The following DGCR2 variants were observed in gnomAD, a reference collection of about 807,000 sequenced individuals.
The protein encoded by DGCR2 is DiGeorge syndrome critical region gene 2.
In DGCR2, 24 loss-of-function variants were observed where a neutral mutation model predicts 51.6. The observed-to-expected ratio is 0.47, with a 90% CI of 0.34 to 0.65. DGCR2 has a LOEUF of 0.65. DGCR2 is among the 30% of genes least tolerant of loss of function. The pLI is 0.01. For synonymous variants in DGCR2, 340 were observed against 315.4 expected (o/e 1.08, Z -0.82); for missense variants, 765 against 772.1 (o/e 0.99, Z 0.11).
intron 8 of DGCR2, 60 bp from the exon 9 acceptor site, chr22:19,041,354 G>C (rs1219950729): frequency 2.0e-6 from 3 of 1,533,354 alleles, no homozygotes; most frequent in Non-Finnish European, 2.7e-6. Context: ...AGGCTGCCTG[G>C]CTCCTGAGCC....
In DGCR2 at chr22:19,064,991, C is replaced by T. The variant is rs1040969847; in HGVS notation, c.405G>A (p.Gly135=). The T allele has an allele frequency of 6.2e-7, 1 of 1,614,046 alleles. No homozygotes were observed. Among genetic ancestry groups the T allele is most frequent in the Non-Finnish European group, 8.5e-7 (1 of 1,180,036 alleles). The part of the protein sequence containing the change: ...TASCYRVYLS[G]ENYWDAAQTC... ...TCTGCGCGGCATCCCAGTAGTTCTC[C>T]CCGCTCAGGTAGACCCGGTAGCAGC... is the stretch of plus-strand genomic sequence containing the variant. Residue 135 remains glycine, a synonymous_variant, in exon 4 of 10, where the codon GGG becomes GGA. Transcript: ENST00000263196.
rs771789131 is a variant in DGCR2 at position 19,063,204 on chromosome 22, TTGAATG to T, written c.617_622del (p.Ala206_Lys208delinsGlu). On this transcript the variant is annotated inframe_deletion, in exon 5 of 10. Transcript: ENST00000263196. ...TCCCACACACCAGAAGGGCTCACCT[TTGAATG>T]CCACCTCCCAGCGACCTTCCAAGGA... 16 of 1,614,036 alleles carry T rather than the reference TTGAATG, an allele frequency of 9.9e-6. No individual in the cohort carries two copies. The Admixed American group carries it at 1.3e-4, about 13-fold the overall frequency.
At chr22:19,095,652 C>T (rs1450580566) in intron 1 of DGCR2, among the ~76,000 whole-genome samples, 1 of 145,144 alleles carries the variant, frequency 6.9e-6, no homozygotes, top group Non-Finnish European at 1.5e-5. Flanking sequence ...CAGCGCAAGA[C>T]TCCGTCTCAA....
chr22:19,042,017 T>G, intron 7 of DGCR2, 58 bp from the exon 8 acceptor site: 1 of 1,560,304 alleles, frequency 6.4e-7, no homozygotes, highest in Non-Finnish European at 8.7e-7. Context: ...CGTGCTACGC[T>G]GGGGATGCTG....
intron 8 of DGCR2, 101 bp downstream of exon 8, chr22:19,041,706 G>C: frequency 7.2e-7 from 1 of 1,380,046 alleles, no homozygotes. Flanking sequence ...CTTCAAACCT[G>C]CCTCTGCCCC....
chr22:19,122,401 T>A lies in DGCR2; in HGVS notation c.-195A>T, dbSNP rs936669808. 6 of 418,854 alleles carry A rather than the reference T, an allele frequency of 1.4e-5. No homozygotes were observed. In the East Asian group the frequency reaches 1.6e-4, roughly 11 times the overall value. The allele number at this position is 418,854 out of a possible 1,614,324, so 25.9% of individuals were successfully genotyped here. ...TGCAACCTCAGGCACCGACTCCAGCTGCGCGCAAGATGGCGGCCGTCCTGC... is the reference window on the plus strand; with the variant it reads ...TGCAACCTCAGGCACCGACTCCAGCAGCGCGCAAGATGGCGGCCGTCCTGC... On this transcript the variant is annotated 5_prime_UTR_variant, in exon 1 of 10. Transcript: ENST00000263196.
At chr22:19,080,651 CA>C (rs1265672977) in intron 2 of DGCR2, among the ~76,000 whole-genome samples, 2 of 152,162 alleles carry the variant, frequency 1.3e-5, no homozygotes, top group African/African-American at 4.8e-5. Flanking sequence ...GCCTCAGCAA[CA>C]GGGCGAGACC....
At chr22:19,063,067 G>A (rs2082702805) in intron 5 of DGCR2, 135 bp downstream of exon 5, 4 of 758,940 alleles carry the variant, frequency 5.3e-6, no homozygotes, top group Non-Finnish European at 8.7e-6. Context: ...AGCCCTCCCT[G>A]CAACTGGGGC....
Position 19,063,190 on chromosome 22 carries a change from A to G in DGCR2, c.625+12T>C. The G allele has an allele frequency of 3.7e-6, 6 of 1,613,790 alleles. No homozygotes were observed. The highest frequency in any genetic ancestry group is 5.1e-6 in the Non-Finnish European group (6 of 1,179,642). ...CCAGCTTCAAACACTCCCACACACC[A>G]GAAGGGCTCACCTTTGAATGCCACC... On this transcript the variant is annotated intron_variant, in intron 5 of 9. Transcript: ENST00000263196.
At chr22:19,097,183 T>C (rs2146026750) in intron 1 of DGCR2, among the ~76,000 whole-genome samples, 1 of 152,202 alleles carries the variant, frequency 6.6e-6, no homozygotes, top group East Asian at 1.9e-4. Flanking sequence ...CTTGGCTGCT[T>C]CTAAGTAGTA....
At chr22:19,053,649 T>C (rs376978131) in intron 6 of DGCR2, among the ~76,000 whole-genome samples, 4 of 152,306 alleles carry the variant, frequency 2.6e-5, no homozygotes, top group South Asian at 2.1e-4. Flanking sequence ...CCACACAAGA[T>C]GTCAGAGTTC....
At chr22:19,119,735 CAAAAAAAAAAA>C (rs57362176) in intron 1 of DGCR2, among the ~76,000 whole-genome samples, 2 of 78,156 alleles carry the variant, frequency 2.6e-5, no homozygotes, top group Admixed American at 1.5e-4. Flanking sequence ...GACTCTGTCT[CAAAAAAAAAAA>C]AAAAAAAAAA....
At position 19,036,922 on chromosome 22, in the gene DGCR2, G is replaced by C. The variant is rs561592858; in HGVS notation, c.*1943C>G. ...CCACACATCTCGTGCCAGCCACCCT[G>C]TCCCGCACACACAGTTCTGAGGCCT... On this transcript the variant is annotated 3_prime_UTR_variant, in exon 10 of 10. Transcript: ENST00000263196. 7 of 152,456 alleles carry C rather than the reference G, an allele frequency of 4.6e-5. No homozygotes were observed. The highest frequency in any genetic ancestry group is 7.3e-5 in the Non-Finnish European group (5 of 68,230). The allele number at this position is 152,456 out of a possible 1,614,324, so 9.4% of individuals were successfully genotyped here. A position where few individuals can be genotyped will look rare whatever the true frequency, so the allele number is the denominator to read the frequency against.
At chr22:19,056,755 C>T (rs368208448) in intron 6 of DGCR2, among the ~76,000 whole-genome samples, 4 of 151,982 alleles carry the variant, frequency 2.6e-5, no homozygotes, top group Non-Finnish European at 5.9e-5. Context: ...TTGTCTCTTC[C>T]GTGGGAAAAG....
At chr22:19,064,690 A>AC (rs2145970379) in intron 4 of DGCR2, among the ~76,000 whole-genome samples, 158 bp downstream of exon 4, 1 of 152,128 alleles carries the variant, frequency 6.6e-6, no homozygotes, top group East Asian at 1.9e-4. Context: ...GCACACTCCT[A>AC]CCCATGGATC....
intron 1 of DGCR2, among the ~76,000 whole-genome samples, chr22:19,100,130 C>T (rs1468651547): frequency 7.2e-5 from 11 of 152,064 alleles, no homozygotes; most frequent in African/African-American, 2.2e-4. Context: ...ATTAGCTGGA[C>T]GTGGTGGCAC....
intron 5 of DGCR2, 40 bp downstream of exon 5, chr22:19,063,162 T>G (rs1191241465): frequency 6.3e-7 from 1 of 1,591,876 alleles, no homozygotes; most frequent in Admixed American, 1.7e-5. Context: ...AGGGTGACTC[T>G]GCCCAGCTTC....
intron 2 of DGCR2, among the ~76,000 whole-genome samples, chr22:19,085,423 C>G: frequency 6.6e-6 from 1 of 152,230 alleles, no homozygotes; most frequent in Non-Finnish European, 1.5e-5. Context: ...CCTCAAAAAT[C>G]TAAGCCCATG....
At position 19,039,034 on chromosome 22, in the gene DGCR2, T is replaced by A. The variant is rs759009190; in HGVS notation, c.1484A>T (p.Gln495Leu). ...AGAGGCCCCCGCAGTGGGCAGAGGC[T>A]GCTCCAGGCGCCGGAGTAATGCACC... ...SEGALLRRLE[Q>L]PLPTAGASLA... is the part of the protein sequence containing the mutation. The change falls in exon 10 of 10, where the codon CAG (glutamine) becomes CTG (leucine). Residue 495 changes from glutamine to leucine, a missense_variant. Coordinates refer to ENST00000263196, the MANE Select transcript of DGCR2 (RefSeq NM_005137.3). 1 of 1,612,882 alleles carries A rather than the reference T, an allele frequency of 6.2e-7. No individual in the cohort carries two copies. The highest frequency in any genetic ancestry group is 1.3e-5 in the African/African-American group (1 of 74,948).
Sources: allele counts gnomAD v4.1 joint callset (sites outside exome capture counted in the v4.1 genomes callset), GRCh38; gene constraint gnomAD v4.1.1; transcripts MANE v1.5; gene names NCBI Gene and HGNC (gene_info 2026-07-23, HGNC 2026-07-21).